The following GASK1A variants were observed in gnomAD, a reference collection of about 807,000 sequenced individuals.
GASK1A encodes the protein Golgi-associated kinase 1A.
Under a neutral mutation model 41.2 loss-of-function variants are expected in GASK1A, and 40 were observed. That is an observed-to-expected ratio of 0.97 (90% CI 0.75 to 1.27). The LOEUF (loss-of-function observed/expected upper bound fraction) is 1.27. GASK1A is among the 50% of genes most tolerant of loss of function. The pLI, the probability that GASK1A is intolerant of heterozygous loss-of-function variation, is 0.00. For missense variants in GASK1A, 678 were observed against 745.1 expected, an observed-to-expected ratio of 0.91 and a Z score of 1.05; for synonymous variants, 316 against 307.1, an observed-to-expected ratio of 1.03 and a Z score of -0.30.
At chr3:43,048,169 G>T (rs959295758) in intron 2 of GASK1A, among the ~76,000 whole-genome samples, 1 of 152,208 alleles carries the variant, frequency 6.6e-6, no homozygotes, top group African/African-American at 2.4e-5. Context: ...ATGAGACAGA[G>T]ACTTGCTAGT....
At chr3:42,997,281 G>A (rs1435622109) in intron 1 of GASK1A, among the ~76,000 whole-genome samples, 1 of 152,216 alleles carries the variant, frequency 6.6e-6, no homozygotes, top group East Asian at 1.9e-4. Context: ...CTGGGTCTGA[G>A]GGTGAGAAGG....
intron 3 of GASK1A, chr3:43,054,088 G>A: frequency 3.3e-6 from 1 of 304,410 alleles, no homozygotes; most frequent in Non-Finnish European, 6.5e-6. Flanking sequence ...GGCTGGTGCT[G>A]CTCCTGTCAA....
At chr3:43,031,973 G>A (rs2089578088) in intron 1 of GASK1A, among the ~76,000 whole-genome samples, 1 of 152,238 alleles carries the variant, frequency 6.6e-6, no homozygotes, top group Admixed American at 6.5e-5. Context: ...CATGGTGACA[G>A]TGTTGTAATG....
At chr3:43,055,807 G>T in intron 4 of GASK1A, 1 of 487,176 alleles carries the variant, frequency 2.1e-6, no homozygotes, top group South Asian at 2.3e-5. Flanking sequence ...CCCTTGTTCT[G>T]GGTGAGAGAG....
At chr3:43,039,259 A>G (rs1292303247) in intron 2 of GASK1A, among the ~76,000 whole-genome samples, 1 of 149,416 alleles carries the variant, frequency 6.7e-6, no homozygotes, top group East Asian at 2.0e-4. Context: ...CTGGAGTACA[A>G]TGGCGCAATC....
intron 1 of GASK1A, among the ~76,000 whole-genome samples, chr3:43,024,235 T>C (rs1370347832): frequency 6.6e-6 from 1 of 152,190 alleles, no homozygotes; most frequent in East Asian, 1.9e-4. Flanking sequence ...ATCAGCTTTC[T>C]GTCTGTCCTC....
In GASK1A at chr3:43,035,529, C is replaced by T. The variant is rs117647780; in HGVS notation, c.1290+1976C>T. ...TCAGTTAAATTAGCAGGATTGGAGCCCAGTTATTCACAGTGGTAATTGCTG... is the reference window on the plus strand; with the variant it reads ...TCAGTTAAATTAGCAGGATTGGAGCTCAGTTATTCACAGTGGTAATTGCTG... On this transcript the variant is annotated intron_variant, in intron 2 of 4. Coordinates refer to ENST00000430121, the MANE Select transcript of GASK1A (RefSeq NM_001129908.3). Among the ~76,000 whole-genome samples the T allele has an allele frequency of 2.0e-5, 3 of 152,242 alleles. No individual in the cohort carries two copies. The East Asian group carries it at 5.8e-4, about 30-fold the overall frequency.
At position 42,987,805 on chromosome 3, in the gene GASK1A, C is replaced by T. The variant is rs1372075771; in HGVS notation, c.3+8160C>T. Reference sequence around the variant, plus strand: ...CCTGAGGTCAGGAGTTTGAGACCAGCCTGGCCAACATGGTGAAACCCCATC... The same window carrying T: ...CCTGAGGTCAGGAGTTTGAGACCAGTCTGGCCAACATGGTGAAACCCCATC... On this transcript the variant is annotated intron_variant, in intron 1 of 4. Transcript: ENST00000430121. Among the ~76,000 whole-genome samples, 7 of 151,764 alleles carry T rather than the reference C, an allele frequency of 4.6e-5. No homozygotes were observed. In the South Asian group the frequency reaches 1.5e-3, roughly 32 times the overall value.
chr3:43,003,914 C>T (rs901664087), intron 1 of GASK1A, among the ~76,000 whole-genome samples: 3 of 152,140 alleles, frequency 2.0e-5, no homozygotes. Context: ...GGTGATTTTG[C>T]CCCCTAGTGA....
intron 1 of GASK1A, among the ~76,000 whole-genome samples, chr3:42,982,546 A>G (rs1300041782): frequency 1.3e-5 from 2 of 152,220 alleles, no homozygotes; most frequent in African/African-American, 4.8e-5. Context: ...AAAATCTTTT[A>G]TAACCATACA....
At chr3:43,047,963 G>C (rs2089671698) in intron 2 of GASK1A, among the ~76,000 whole-genome samples, 1 of 152,136 alleles carries the variant, frequency 6.6e-6, no homozygotes, top group South Asian at 2.1e-4. Context: ...TACTGGTCTG[G>C]CGGCACATAA....
chr3:43,017,205 T>G (rs2125681775), intron 1 of GASK1A, among the ~76,000 whole-genome samples: 1 of 135,572 alleles, frequency 7.4e-6, no homozygotes, highest in East Asian at 2.4e-4. Flanking sequence ...AAGGGTAGTG[T>G]GAAGTCACAG....
intron 1 of GASK1A, among the ~76,000 whole-genome samples, chr3:42,986,659 G>T (rs545023): frequency 0.73 from 111,534 of 151,972 alleles, 42,029 homozygotes; most frequent in East Asian, 0.96. Flanking sequence ...GTGGGTGCTC[G>T]CCCCACCAGC....
At chr3:42,995,837 AT>A (rs1559397472) in intron 1 of GASK1A, among the ~76,000 whole-genome samples, 1 of 152,110 alleles carries the variant, frequency 6.6e-6, no homozygotes, top group African/African-American at 2.4e-5. Context: ...AACTTACTTT[AT>A]TTTTCAGCAG....
intron 1 of GASK1A, among the ~76,000 whole-genome samples, chr3:43,015,466 T>TCACAGGAAGGGGCAGTGTGAAGC (rs1425856981): frequency 2.1e-5 from 3 of 141,214 alleles, no homozygotes; most frequent in South Asian, 2.3e-4. Context: ...CAGTGTGAAG[T>TCACAGGAAGGGGCAGTGTGAAGC]CACAGGAAGG....
chr3:42,998,113 G>A (rs938538976), intron 1 of GASK1A, among the ~76,000 whole-genome samples: 4 of 152,198 alleles, frequency 2.6e-5, no homozygotes, highest in Non-Finnish European at 5.9e-5. Flanking sequence ...GGTGGTCTGG[G>A]ACATCGCCTC....
At chr3:43,036,662 A>C (rs73832424) in intron 2 of GASK1A, among the ~76,000 whole-genome samples, 1,897 of 152,266 alleles carry the variant, frequency 0.012, 27 homozygotes, top group African/African-American at 0.033. Flanking sequence ...TTGCTCCAGG[A>C]TCTGTGGGTC....
Position 43,032,934 on chromosome 3 carries a change from CA to C in GASK1A, c.672del (p.Gly225GlufsTer24). The C allele has an allele frequency of 6.4e-7, 1 of 1,551,160 alleles. No homozygotes were observed. The highest frequency in any genetic ancestry group is 1.2e-5 in the South Asian group (1 of 84,026). ...CAAGCAGAGGATCCCACCTTGGCCT[CA>C]GGAGCTCATCAGTGGCCTGGCTCTG... ...GQQAEDPTLA[S>X]GAHQWPGSVE... On this transcript the variant is annotated frameshift_variant, in exon 2 of 5. Transcript: ENST00000430121. LOFTEE classifies it high-confidence loss of function.
intron 1 of GASK1A, among the ~76,000 whole-genome samples, chr3:43,001,928 T>C (rs1575437930): frequency 6.6e-6 from 1 of 152,298 alleles, no homozygotes; most frequent in Non-Finnish European, 1.5e-5. Flanking sequence ...CCACCCGCAG[T>C]TGTGGCTCCT....
Sources: allele counts gnomAD v4.1 joint callset (sites outside exome capture counted in the v4.1 genomes callset), GRCh38; gene constraint gnomAD v4.1.1; transcripts MANE v1.5; gene names NCBI Gene and HGNC (gene_info 2026-07-23, HGNC 2026-07-21).